Variants in TBC1D22A observed in about 807,000 individuals in gnomAD.
The protein encoded by TBC1D22A is TBC1 domain family member 22A.
TBC1D22A carries 38 observed loss-of-function variants against 60.2 expected under a neutral mutation model. The observed-to-expected ratio is 0.63, with a 90% CI of 0.49 to 0.83. The LOEUF (loss-of-function observed/expected upper bound fraction) is 0.83, where lower values mean the gene tolerates loss of function less well. TBC1D22A is among the 40% of genes least tolerant of loss of function. TBC1D22A has a pLI of 0.00. For synonymous variants in TBC1D22A, 302 were observed against 281.7 expected (o/e 1.07, Z -0.72); for missense variants, 628 against 701.0 (o/e 0.90, Z 1.18).
chr22:46,920,099 G>A (rs1296257085), intron 8 of TBC1D22A, among the ~76,000 whole-genome samples: 2 of 152,170 alleles, frequency 1.3e-5, no homozygotes, highest in African/African-American at 4.8e-5. Flanking sequence ...ATGAAGGAGA[G>A]AGACAGAGTG....
chr22:46,987,877 G>A (rs990826270), intron 9 of TBC1D22A, among the ~76,000 whole-genome samples: 1 of 152,114 alleles, frequency 6.6e-6, no homozygotes, highest in African/African-American at 2.4e-5. Context: ...AGAGCTACTC[G>A]ATGGCATTTT....
At chr22:47,089,885 T>C (rs912779183) in intron 11 of TBC1D22A, among the ~76,000 whole-genome samples, 1 of 152,136 alleles carries the variant, frequency 6.6e-6, no homozygotes, top group African/African-American at 2.4e-5. Flanking sequence ...CAGGTTGAAG[T>C]GTTTGCTCAA....
intron 4 of TBC1D22A, among the ~76,000 whole-genome samples, chr22:46,836,901 A>G (rs1009016484): frequency 1.3e-5 from 2 of 152,004 alleles, no homozygotes; most frequent in African/African-American, 4.8e-5. Context: ...GCTCATGCCT[A>G]TAATTCCAGT....
chr22:47,152,831 G>A (rs1386330640), intron 12 of TBC1D22A, among the ~76,000 whole-genome samples: 3 of 152,196 alleles, frequency 2.0e-5, no homozygotes, highest in Non-Finnish European at 4.4e-5. Context: ...TGACCCTTCG[G>A]GGGAGACGCA....
chr22:46,989,389 T>A (rs1240171893), intron 9 of TBC1D22A, among the ~76,000 whole-genome samples: 1 of 152,236 alleles, frequency 6.6e-6, no homozygotes, highest in Non-Finnish European at 1.5e-5. Flanking sequence ...TCTCAGCTTT[T>A]TGCATGCCTT....
intron 4 of TBC1D22A, among the ~76,000 whole-genome samples, chr22:46,862,073 A>G (rs2087920485): frequency 6.6e-6 from 1 of 152,114 alleles, no homozygotes; most frequent in African/African-American, 2.4e-5. Flanking sequence ...GGGCCTCTGT[A>G]TGGCCTCCCT....
chr22:46,782,828 T>C (rs1379211344), intron 1 of TBC1D22A, among the ~76,000 whole-genome samples: 3 of 152,232 alleles, frequency 2.0e-5, no homozygotes, highest in Non-Finnish European at 4.4e-5. Context: ...GACCTAATAT[T>C]ACTCCATTGT....
intron 11 of TBC1D22A, among the ~76,000 whole-genome samples, chr22:47,052,794 TC>T (rs2063268271): frequency 6.6e-6 from 1 of 152,164 alleles, no homozygotes; most frequent in Non-Finnish European, 1.5e-5. Context: ...TTCCTGTCCT[TC>T]CAGGCCACTG....
At chr22:46,774,173 T>C in intron 1 of TBC1D22A, 1 of 985,534 alleles carries the variant, frequency 1.0e-6, no homozygotes, top group Non-Finnish European at 1.2e-6. Context: ...GAGGCCTGGC[T>C]CCTCCAGGCT....
chr22:46,792,962 C>T (rs2084484575), intron 2 of TBC1D22A, among the ~76,000 whole-genome samples: 1 of 152,406 alleles, frequency 6.6e-6, no homozygotes, highest in African/African-American at 2.4e-5. Context: ...CCCTCCACAG[C>T]AGGCGGGAGC....
At chr22:47,167,317 A>G (rs770384108) in intron 12 of TBC1D22A, among the ~76,000 whole-genome samples, 1 of 152,230 alleles carries the variant, frequency 6.6e-6, no homozygotes, top group Non-Finnish European at 1.5e-5. Flanking sequence ...CAGCCATTCA[A>G]GCATTGCCGA....
chr22:46,773,806 C>A (rs2083588687), intron 1 of TBC1D22A: 2 of 448,764 alleles, frequency 4.5e-6, no homozygotes, highest in Non-Finnish European at 5.9e-6. Context: ...CACGTGTAGT[C>A]CTCATAGCAG....
At chr22:46,928,019 A>G (rs2071145948) in intron 8 of TBC1D22A, among the ~76,000 whole-genome samples, 1 of 152,224 alleles carries the variant, frequency 6.6e-6, no homozygotes, top group Non-Finnish European at 1.5e-5. Flanking sequence ...GTAAAGATTC[A>G]GTGCAGTCCC....
rs999048590 is a variant in TBC1D22A, at chr22:46,915,509, G to A, written c.1015+3321G>A. The A allele has an allele frequency of 3.3e-5, 15 of 456,742 alleles. 1 individual carries two copies. The highest frequency in any genetic ancestry group is 2.8e-4 in the African/African-American group (14 of 50,194). 28.3% of individuals were successfully genotyped at this position (456,742 alleles called of 1,614,324 possible). A position where few individuals can be genotyped will look rare whatever the true frequency, so the allele number is the denominator to read the frequency against. On this transcript the variant is annotated intron_variant, in intron 8 of 12. Coordinates refer to ENST00000337137, the MANE Select transcript of TBC1D22A (RefSeq NM_014346.5). ...TCATACACCTTTGGTGCAGCTGCCA[G>A]TGGCACTAGCCCGGGTGTGGCTACC... is the stretch of plus-strand genomic sequence containing the variant.
At chr22:46,988,891 G>A (rs1162999029) in intron 9 of TBC1D22A, among the ~76,000 whole-genome samples, 1 of 152,204 alleles carries the variant, frequency 6.6e-6, no homozygotes, top group Non-Finnish European at 1.5e-5. Context: ...CATGAAAGTT[G>A]TAGATGGTGT....
chr22:47,022,570 A>G (rs1410064039), intron 10 of TBC1D22A, among the ~76,000 whole-genome samples: 1 of 152,032 alleles, frequency 6.6e-6, no homozygotes, highest in Non-Finnish European at 1.5e-5. Context: ...AAACACCAAA[A>G]CAAACAAACA....
Position 47,066,322 on chromosome 22 carries a change from A to AG in TBC1D22A, c.1329+29130dup, listed in dbSNP as rs568777833. Reference sequence around the variant, plus strand: ...AATCCTGAAGTGGGTGGCACCCACGAGGGGGGTTCCTCGGAATGCTGGTGG... The same window carrying AG: ...AATCCTGAAGTGGGTGGCACCCACGAGGGGGGGTTCCTCGGAATGCTGGTGG... On this transcript the variant is annotated intron_variant, in intron 11 of 12. Transcript: ENST00000337137. 9.1e-3 allele frequency among the ~76,000 whole-genome samples: 1,369 copies of AG among 150,922 alleles called. 11 individuals are homozygous for AG. Among genetic ancestry groups the AG allele is most frequent in the Non-Finnish European group, 0.014 (952 of 67,684 alleles).
At chr22:46,841,044 ATGGGTG>A (rs1256700385) in intron 4 of TBC1D22A, among the ~76,000 whole-genome samples, 2 of 54,086 alleles carry the variant, frequency 3.7e-5, no homozygotes, top group African/African-American at 5.3e-5. Context: ...AGTAATGAAA[ATGGGTG>A]TGTGTGTGTG....
intron 7 of TBC1D22A, among the ~76,000 whole-genome samples, chr22:46,910,718 A>G (rs1451799731): frequency 1.3e-5 from 2 of 152,106 alleles, no homozygotes; most frequent in Non-Finnish European, 2.9e-5. Context: ...AGGTGGCAGC[A>G]GAGTCTTCAC....
Sources: allele counts gnomAD v4.1 joint callset (sites outside exome capture counted in the v4.1 genomes callset), GRCh38; gene constraint gnomAD v4.1.1; transcripts MANE v1.5; gene names NCBI Gene and HGNC (gene_info 2026-07-23, HGNC 2026-07-21).